The following CDH4 variants were observed in gnomAD, a reference collection of about 807,000 sequenced individuals.
CDH4 encodes the protein cadherin 4, also known as cadherin-4.
CDH4 carries 33 observed loss-of-function variants against 86.0 expected under a neutral mutation model. That is an observed-to-expected ratio of 0.38 (90% confidence interval 0.29 to 0.51). The LOEUF (loss-of-function observed/expected upper bound fraction) is 0.51. CDH4 is among the 20% of genes least tolerant of loss of function. The pLI, the probability that CDH4 is intolerant of heterozygous loss-of-function variation, is 0.86. For missense variants in CDH4, 1,114 were observed against 1,307.4 expected (o/e 0.85, Z 2.28); for synonymous variants, 555 against 549.4 (o/e 1.01, Z -0.14).
chr20:61,541,154 C>T (rs1250693502), intron 2 of CDH4, among the ~76,000 whole-genome samples: 2 of 152,176 alleles, frequency 1.3e-5, no homozygotes, highest in African/African-American at 4.8e-5. Context: ...CCACCCCAGT[C>T]GTCATTGATT....
chr20:61,882,799 C>T (rs2146167241), intron 7 of CDH4, among the ~76,000 whole-genome samples: 1 of 152,306 alleles, frequency 6.6e-6, no homozygotes, highest in East Asian at 1.9e-4. Context: ...TTCCCGGCAC[C>T]CCAGGTGGCA....
At chr20:61,592,292 G>A (rs746528279) in intron 2 of CDH4, among the ~76,000 whole-genome samples, 5 of 152,140 alleles carry the variant, frequency 3.3e-5, no homozygotes, top group Non-Finnish European at 7.3e-5. Flanking sequence ...ATTCCCTAGT[G>A]GAATGATGTT....
At position 61,531,659 on chromosome 20, in the gene CDH4, G is replaced by A. The variant is rs2085955122; in HGVS notation, c.170-211904G>A. 2.0e-5 allele frequency among the ~76,000 whole-genome samples: 3 copies of A among 152,178 alleles called. No homozygotes were observed. In the South Asian group the frequency reaches 6.2e-4, roughly 31 times the overall value. ...GCATTCACGGACCATCCCTGGGGGTGGGCTGGAGGGCAGCGCCAAGTGCAT... is the reference window on the plus strand; with the variant it reads ...GCATTCACGGACCATCCCTGGGGGTAGGCTGGAGGGCAGCGCCAAGTGCAT... On this transcript the variant is annotated intron_variant, in intron 2 of 15. Transcript: ENST00000614565.
chr20:61,437,315 T>A (rs909629391), intron 2 of CDH4: 4 of 152,256 alleles, frequency 2.6e-5, no homozygotes, highest in Non-Finnish European at 5.9e-5. Flanking sequence ...ATGGTATATG[T>A]TATTTTCCTC....
chr20:61,878,751 C>G (rs1338469315), intron 7 of CDH4, among the ~76,000 whole-genome samples: 1 of 152,266 alleles, frequency 6.6e-6, no homozygotes, highest in African/African-American at 2.4e-5. Flanking sequence ...ATTGGCCACC[C>G]CACTCTGCCC....
At chr20:61,741,915 A>G (rs530748901) in intron 2 of CDH4, among the ~76,000 whole-genome samples, 22 of 152,060 alleles carry the variant, frequency 1.4e-4, no homozygotes, top group Non-Finnish European at 2.5e-4. Flanking sequence ...GTCCAATTGC[A>G]TTAGTTTTAT....
At chr20:61,704,122 C>T (rs961922766) in intron 2 of CDH4, among the ~76,000 whole-genome samples, 2 of 151,964 alleles carry the variant, frequency 1.3e-5, no homozygotes, top group Non-Finnish European at 2.9e-5. Context: ...AACGCATTTC[C>T]ATGGGGGTCA....
At chr20:61,489,570 G>A (rs905470474) in intron 2 of CDH4, among the ~76,000 whole-genome samples, 1 of 152,246 alleles carries the variant, frequency 6.6e-6, no homozygotes, top group Non-Finnish European at 1.5e-5. Flanking sequence ...TCCCCAGGGG[G>A]CTGAGCCCCG....
intron 2 of CDH4, among the ~76,000 whole-genome samples, chr20:61,371,314 A>AC (rs1476379896): frequency 6.6e-6 from 1 of 152,026 alleles, no homozygotes; most frequent in Non-Finnish European, 1.5e-5. Context: ...CCCCAGGCAG[A>AC]CCCCCTTCGG....
At chr20:61,278,305 G>C (rs1032473967) in intron 2 of CDH4, among the ~76,000 whole-genome samples, 1 of 152,218 alleles carries the variant, frequency 6.6e-6, no homozygotes, top group Admixed American at 6.5e-5. Context: ...AAATGTGCAG[G>C]AATCAAACTG....
intron 2 of CDH4, among the ~76,000 whole-genome samples, chr20:61,273,978 G>C (rs1031632955): frequency 7.0e-6 from 1 of 142,464 alleles, no homozygotes; most frequent in South Asian, 2.4e-4. Context: ...GTTTTGGGGG[G>C]TACCATGCAC....
In CDH4 at chr20:61,518,882, T is replaced by G. The variant is rs1389964407; in HGVS notation, c.170-224681T>G. On this transcript the variant is annotated intron_variant, in intron 2 of 15. Coordinates refer to ENST00000614565, the MANE Select transcript of CDH4 (RefSeq NM_001794.5). The surrounding 1 kb of genome is among the most constrained non-coding windows in gnomAD (Gnocchi z 6.3). ...CATTCATCCATCATTCATTCATCAATCCACCCATCATCCATTCATCCATCA... is the reference window on the plus strand; with the variant it reads ...CATTCATCCATCATTCATTCATCAAGCCACCCATCATCCATTCATCCATCA... Among the ~76,000 whole-genome samples the G allele has an allele frequency of 6.6e-6, 1 of 152,054 alleles. No individual in the cohort carries two copies. The highest frequency in any genetic ancestry group is 2.4e-5 in the African/African-American group (1 of 41,378).
rs187987632 is a variant in CDH4, at chr20:61,829,177, C to T, written c.577-15491C>T. ...GCAGTCGCTTCTCCTTCCCTGGCCTCGCCCCCAGCAGCCAATAACGTACTT... is the reference window on the plus strand; with the variant it reads ...GCAGTCGCTTCTCCTTCCCTGGCCTTGCCCCCAGCAGCCAATAACGTACTT... On this transcript the variant is annotated intron_variant, in intron 4 of 15. Coordinates refer to ENST00000614565, the MANE Select transcript of CDH4 (RefSeq NM_001794.5). This position sits in a 1 kb window ranked among gnomAD's most constrained non-coding sequence, Gnocchi z 4.2. 1.9e-3 allele frequency among the ~76,000 whole-genome samples: 293 copies of T among 152,328 alleles called. No individual in the cohort carries two copies. Among genetic ancestry groups the T allele is most frequent in the African/African-American group, 6.1e-3 (255 of 41,570 alleles).
rs2145661319 is a variant in CDH4, at chr20:61,544,998, C to G, written c.170-198565C>G. Among the ~76,000 whole-genome samples the G allele has an allele frequency of 6.6e-6, 1 of 152,314 alleles. No individual in the cohort carries two copies. Among genetic ancestry groups the G allele is most frequent in the South Asian group, 2.1e-4 (1 of 4,824 alleles). ...TGACCCTTGAGCAGCCCTACTGGGG[C>G]CCCGAGTGGACAAACCACAGGCCCC... On this transcript the variant is annotated intron_variant, in intron 2 of 15. Transcript: ENST00000614565. The surrounding 1 kb of genome is among the most constrained non-coding windows in gnomAD (Gnocchi z 6.5).
At chr20:61,465,602 A>G (rs1285466611) in intron 2 of CDH4, among the ~76,000 whole-genome samples, 3 of 152,190 alleles carry the variant, frequency 2.0e-5, no homozygotes, top group African/African-American at 4.8e-5. Context: ...AGGGAATTGC[A>G]TCTTGGTGGA....
At chr20:61,574,425 A>AG (rs1378457856) in intron 2 of CDH4, among the ~76,000 whole-genome samples, 3 of 152,224 alleles carry the variant, frequency 2.0e-5, no homozygotes, top group African/African-American at 7.2e-5. Context: ...GAGAAGGCAC[A>AG]GCCTTTAAAT....
chr20:61,865,935 G>A (rs1983529877), intron 6 of CDH4, among the ~76,000 whole-genome samples: 2 of 152,326 alleles, frequency 1.3e-5, no homozygotes, highest in Non-Finnish European at 2.9e-5. Flanking sequence ...TACTGCAGGT[G>A]TGGTCAGAAT....
rs6142884 is a variant in CDH4, at chr20:61,928,292, A to G, written c.1874A>G (p.Lys625Arg). 855,865 of 1,610,020 alleles carry G rather than the reference A, an allele frequency of 0.53. 234,382 individuals carry two copies. Among genetic ancestry groups the G allele is most frequent in the East Asian group, 0.86 (38,480 of 44,878 alleles). The change falls in exon 12 of 16, where the codon AAG becomes AGG. Residue 625 changes from lysine to arginine, a missense_variant. Physicochemically the swap from Lys to Arg is conservative, Grantham distance 26. Coordinates refer to ENST00000614565, the MANE Select transcript of CDH4 (RefSeq NM_001794.5). ...LLPKEAQICE[K>R]PNLNAINITA... Reference sequence around the variant, plus strand: ...CCCAAGGAGGCGCAGATCTGCGAGAAGCCCAACCTGAACGCCATCAACATC... The same window carrying G: ...CCCAAGGAGGCGCAGATCTGCGAGAGGCCCAACCTGAACGCCATCAACATC...
chr20:61,263,185 G>C lies in CDH4; in HGVS notation c.169+8248G>C, dbSNP rs2084137551. Reference sequence around the variant, plus strand: ...GCAGGCTCCTTCAGTCCCCAGAGTGGGACTGTGGTGTCTGGCAAGCTGGGC... The same window carrying C: ...GCAGGCTCCTTCAGTCCCCAGAGTGCGACTGTGGTGTCTGGCAAGCTGGGC... On this transcript the variant is annotated intron_variant, in intron 2 of 15. Transcript: ENST00000614565. 1.3e-5 allele frequency among the ~76,000 whole-genome samples: 2 copies of C among 152,094 alleles called. 1 individual carries two copies. Among genetic ancestry groups the C allele is most frequent in the South Asian group, 4.2e-4 (2 of 4,812 alleles).
Sources: gnomAD v4.1 joint callset for allele counts (sites outside exome capture counted in the v4.1 genomes callset) on GRCh38, gnomAD v4.1.1 for gene constraint, Gnocchi (gnomAD v3.1) non-coding constraint, MANE v1.5 for transcripts, NCBI Gene and HGNC (gene_info 2026-07-23, HGNC 2026-07-21) for gene names.